The following MEGF10 variants were observed in gnomAD, a reference collection of about 807,000 sequenced individuals.
MEGF10 encodes multiple epidermal growth factor-like domains protein 10.
In MEGF10, 86 loss-of-function variants were observed where a neutral mutation model predicts 147.5. The observed-to-expected ratio is 0.58, with a 90% confidence interval of 0.49 to 0.70. MEGF10 has a LOEUF of 0.70. Ranked by LOEUF, MEGF10 falls within the 30% of genes least tolerant of loss-of-function variation. MEGF10 has a pLI of 0.00. For synonymous variants in MEGF10, 478 were observed against 525.5 expected (o/e 0.91, Z 1.24); for missense variants, 1,329 against 1,487.3 (o/e 0.89, Z 1.75).
chr5:127,354,926 A>G (rs1762226158), intron 4 of MEGF10, among the ~76,000 whole-genome samples: 1 of 152,154 alleles, frequency 6.6e-6, no homozygotes, highest in Admixed American at 6.5e-5. Context: ...GCTTGAGCAA[A>G]TTGGGCACGG....
At chr5:127,231,838 A>G in the MEGF10 span, among the ~76,000 whole-genome samples, 11 of 152,226 alleles carry the variant, frequency 7.2e-5, no homozygotes, top group African/African-American at 2.4e-4. Context: ...GGCTAGTAGA[A>G]TCAGGAGAAT....
intron 1 of MEGF10, among the ~76,000 whole-genome samples, chr5:127,330,371 C>A (rs747714678): frequency 6.6e-6 from 1 of 152,104 alleles, no homozygotes; most frequent in Non-Finnish European, 1.5e-5. Context: ...AAACCCATTG[C>A]GACTCACCCT....
At chr5:127,255,043 C>T in the MEGF10 span, among the ~76,000 whole-genome samples, 122 of 151,558 alleles carry the variant, frequency 8.0e-4, no homozygotes, top group African/African-American at 2.8e-3. Context: ...GGCAGGGGGC[C>T]AGGGAATGAG....
the MEGF10 span, among the ~76,000 whole-genome samples, chr5:127,270,220 T>C: frequency 6.6e-6 from 1 of 152,106 alleles, no homozygotes; most frequent in Non-Finnish European, 1.5e-5. Flanking sequence ...AGGATCAAAT[T>C]CACACATAAC....
intron 1 of MEGF10, among the ~76,000 whole-genome samples, chr5:127,312,134 T>G (rs527251494): frequency 2.6e-5 from 4 of 152,130 alleles, no homozygotes; most frequent in Non-Finnish European, 5.9e-5. Context: ...TTTCATGGTC[T>G]CCAGGGAAGC....
chr5:127,388,071 G>A (rs145597866), intron 5 of MEGF10, among the ~76,000 whole-genome samples: 2,523 of 152,238 alleles, frequency 0.017, 21 homozygotes, highest in Middle Eastern at 0.024. Context: ...CTAATTTTCA[G>A]ATCCATATAC....
At chr5:127,357,585 C>A (rs371731142) in intron 4 of MEGF10, among the ~76,000 whole-genome samples, 1 of 100,934 alleles carries the variant, frequency 9.9e-6, no homozygotes, top group Non-Finnish European at 1.9e-5. Flanking sequence ...AAGACCCTGC[C>A]TCAAAATAAA....
the MEGF10 span, among the ~76,000 whole-genome samples, chr5:127,247,800 A>C: frequency 6.6e-6 from 1 of 152,108 alleles, no homozygotes; most frequent in Admixed American, 6.6e-5. Context: ...CTGAGGGGGC[A>C]GAAATGGTAA....
the MEGF10 span, among the ~76,000 whole-genome samples, chr5:127,282,229 A>C: frequency 6.6e-6 from 1 of 152,194 alleles, no homozygotes; most frequent in Non-Finnish European, 1.5e-5. Flanking sequence ...TATGTGGAGC[A>C]GAAAAGAAGT....
chr5:127,393,901 A>T (rs1408882399), intron 5 of MEGF10, among the ~76,000 whole-genome samples: 4 of 151,344 alleles, frequency 2.6e-5, no homozygotes. Context: ...TTGTTGAATG[A>T]GGTGTAGAAC....
At chr5:127,403,474 G>A (rs1299489490) in intron 8 of MEGF10, among the ~76,000 whole-genome samples, 2 of 152,108 alleles carry the variant, frequency 1.3e-5, no homozygotes, top group Non-Finnish European at 2.9e-5. Flanking sequence ...ATTTCAGAAA[G>A]TACAATGAAG....
intron 1 of MEGF10, 114 bp downstream of exon 1, chr5:127,291,170 G>A (rs1413423977): frequency 6.6e-6 from 1 of 152,334 alleles, no homozygotes; most frequent in Non-Finnish European, 1.5e-5. Context: ...GGTGCGGCGT[G>A]AGGTGGGGCG....
At chr5:127,445,760 AC>A (rs1765923112) in intron 20 of MEGF10, 67 bp downstream of exon 20, 4 of 1,177,656 alleles carry the variant, frequency 3.4e-6, no homozygotes, top group Non-Finnish European at 5.1e-6. Context: ...GTTCTTTAAA[AC>A]TGGGTGTTTG....
chr5:127,247,469 A>G, the MEGF10 span, among the ~76,000 whole-genome samples: 57 of 148,560 alleles, frequency 3.8e-4, 4 homozygotes, highest in East Asian at 4.3e-3. Context: ...AAGAAGAAGA[A>G]GAAGAAGAAG....
At chr5:127,274,500 A>G in the MEGF10 span, among the ~76,000 whole-genome samples, 2 of 152,172 alleles carry the variant, frequency 1.3e-5, no homozygotes, top group African/African-American at 2.4e-5. Context: ...TTAGAATGAT[A>G]TAATAAAAAT....
In MEGF10 at chr5:127,358,855, T is replaced by TA. The variant is rs148485536; in HGVS notation, c.320-11054dup. Among the ~76,000 whole-genome samples the TA allele has an allele frequency of 8.7e-3, 1,320 of 152,316 alleles. 24 individuals carry two copies. Among genetic ancestry groups the TA allele is most frequent in the African/African-American group, 0.03 (1,260 of 41,570 alleles). On this transcript the variant is annotated intron_variant, in intron 4 of 24. Coordinates refer to ENST00000503335, the MANE Select transcript of MEGF10 (RefSeq NM_001256545.2). ...TTTAGTCCATTAAGGTCATGTTACT[T>TA]ACGTTACTTAAATCTGACTCAACCT...
At chr5:127,264,027 A>T in the MEGF10 span, among the ~76,000 whole-genome samples, 1 of 152,136 alleles carries the variant, frequency 6.6e-6, no homozygotes, top group African/African-American at 2.4e-5. Flanking sequence ...ATTCCTCACC[A>T]AACTGATTCT....
intron 23 of MEGF10, among the ~76,000 whole-genome samples, chr5:127,455,064 G>C (rs369798694): frequency 1.5e-4 from 23 of 152,194 alleles, no homozygotes; most frequent in African/African-American, 5.5e-4. Context: ...CCCTCTTGGT[G>C]CTCCTGGGGC....
At chr5:127,297,564 T>C (rs1759560562) in intron 1 of MEGF10, among the ~76,000 whole-genome samples, 1 of 152,102 alleles carries the variant, frequency 6.6e-6, no homozygotes, top group African/African-American at 2.4e-5. Flanking sequence ...AGGAGAGATT[T>C]GAATGGATGG....
Sources: allele counts gnomAD v4.1 joint callset (sites outside exome capture counted in the v4.1 genomes callset), GRCh38; gene constraint gnomAD v4.1.1; transcripts MANE v1.5; gene names NCBI Gene and HGNC (gene_info 2026-07-23, HGNC 2026-07-21).